AGAP1: variants seen among roughly 807,000 people sequenced by gnomAD.
The protein encoded by AGAP1 is arf-GAP with GTPase, ANK repeat and PH domain-containing protein 1.
A neutral mutation model predicts 105.3 loss-of-function variants in AGAP1; 29 were observed. The ratio of observed to expected loss-of-function variants is 0.28; its 90% CI spans 0.21 to 0.38. AGAP1 has a LOEUF of 0.38. AGAP1 is among the 10% of genes least tolerant of loss of function. The pLI is 1.00. For synonymous variants in AGAP1, 509 were observed against 485.9 expected (o/e 1.05, Z -0.63); for missense variants, 998 against 1,165.1 (o/e 0.86, Z 2.09).
At position 235,824,387 on chromosome 2, in the gene AGAP1, G is replaced by T. The variant is rs945399068; in HGVS notation, c.1050+17056G>T. Among the ~76,000 whole-genome samples the T allele has an allele frequency of 2.0e-5, 3 of 152,188 alleles. No individual in the cohort carries two copies. Among genetic ancestry groups the T allele is most frequent in the African/African-American group, 7.2e-5 (3 of 41,438 alleles). On this transcript the variant is annotated intron_variant, in intron 9 of 17. Coordinates refer to ENST00000304032, the MANE Select transcript of AGAP1 (RefSeq NM_001037131.3). This position sits in a 1 kb window ranked among gnomAD's most constrained non-coding sequence, Gnocchi z 5.2. ...TGTGGGTCTTGCAAATTGGTAACTG[G>T]TAGCTACCAGTGTAATTAAATATTT...
Position 235,586,543 on chromosome 2 carries a change from C to G in AGAP1, c.163+91694C>G, listed in dbSNP as rs1213518480. On this transcript the variant is annotated intron_variant, in intron 1 of 17. Coordinates refer to ENST00000304032, the MANE Select transcript of AGAP1 (RefSeq NM_001037131.3). The surrounding 1 kb of genome is among the most constrained non-coding windows in gnomAD (Gnocchi z 4.2). ...CTCCTTATGTCCATGCAGAGGCTGA[C>G]TCCAGAGGATGCTGTGCACAGGCCT... is the stretch of plus-strand genomic sequence containing the variant. 6.6e-6 allele frequency among the ~76,000 whole-genome samples: 1 copy of G among 152,206 alleles called. No individual in the cohort carries two copies. The highest frequency in any genetic ancestry group is 2.4e-5 in the African/African-American group (1 of 41,448).
rs1039686526 is a variant in AGAP1, at chr2:235,883,041, C to T, written c.1051-304C>T. Among the ~76,000 whole-genome samples, 2 of 152,050 alleles carry T rather than the reference C, an allele frequency of 1.3e-5. No homozygotes were observed. The highest frequency in any genetic ancestry group is 2.4e-5 in the African/African-American group (1 of 41,386). ...GTCAGCATCTTACCCAGGCTGGTCT[C>T]GAACTCTTGGGCTCAAACGATCCTT... On this transcript the variant is annotated intron_variant, in intron 9 of 17. Transcript: ENST00000304032. This position sits in a 1 kb window ranked among gnomAD's most constrained non-coding sequence, Gnocchi z 4.5.
chr2:236,075,728 C>T (rs2058618834), intron 16 of AGAP1, among the ~76,000 whole-genome samples: 2 of 152,196 alleles, frequency 1.3e-5, no homozygotes, highest in African/African-American at 2.4e-5. Context: ...GGCCTTTCTG[C>T]GTCCCTGACA....
At chr2:235,619,843 A>G (rs765092922) in intron 1 of AGAP1, among the ~76,000 whole-genome samples, 2 of 152,142 alleles carry the variant, frequency 1.3e-5, no homozygotes, top group South Asian at 2.1e-4. Flanking sequence ...CTGCATTGCA[A>G]CAAGGGCCCT....
Position 236,105,326 on chromosome 2 carries a change from A to G in AGAP1, c.2115-14866A>G, listed in dbSNP as rs74595388. 9.6e-3 allele frequency among the ~76,000 whole-genome samples: 1,463 copies of G among 152,150 alleles called. 19 individuals carry two copies. The highest frequency in any genetic ancestry group is 0.032 in the African/African-American group (1,326 of 41,520). ...CCAGGTAAGGGGGAAAGATGGGCGG[A>G]GCGGGGGACCAAGGACAGAGAGGAA... On this transcript the variant is annotated intron_variant, in intron 16 of 17. Transcript: ENST00000304032. The surrounding 1 kb of genome is among the most constrained non-coding windows in gnomAD (Gnocchi z 4.2).
rs1180053652 is a variant in AGAP1, at chr2:236,009,422, G to T, written c.1646-27139G>T. On this transcript the variant is annotated intron_variant, in intron 13 of 17. Transcript: ENST00000304032. The surrounding 1 kb of genome is among the most constrained non-coding windows in gnomAD (Gnocchi z 4.2). Reference sequence around the variant, plus strand: ...TCTTTGTGTAAAGGATCCTGGTGCCGCAGTCAGCCTGAAACACTCCAAGGA... The same window carrying T: ...TCTTTGTGTAAAGGATCCTGGTGCCTCAGTCAGCCTGAAACACTCCAAGGA... Among the ~76,000 whole-genome samples the T allele has an allele frequency of 6.6e-6, 1 of 152,144 alleles. No individual in the cohort carries two copies. The highest frequency in any genetic ancestry group is 1.5e-5 in the Non-Finnish European group (1 of 68,034).
At position 236,095,746 on chromosome 2, in the gene AGAP1, A is replaced by G. The variant is rs2059176585; in HGVS notation, c.2115-24446A>G. Among the ~76,000 whole-genome samples, 2 of 152,238 alleles carry G rather than the reference A, an allele frequency of 1.3e-5. No homozygotes were observed. Among genetic ancestry groups the G allele is most frequent in the African/African-American group, 4.8e-5 (2 of 41,476 alleles). On this transcript the variant is annotated intron_variant, in intron 16 of 17. Coordinates refer to ENST00000304032, the MANE Select transcript of AGAP1 (RefSeq NM_001037131.3). This position sits in a 1 kb window ranked among gnomAD's most constrained non-coding sequence, Gnocchi z 4.1. ...AAAAAACTTTTAAAAATTTTGACATATGAAGAAGTATATTAGTTCAGGGCT... is the reference window on the plus strand; with the variant it reads ...AAAAAACTTTTAAAAATTTTGACATGTGAAGAAGTATATTAGTTCAGGGCT...
At position 235,582,580 on chromosome 2, in the gene AGAP1, C is replaced by G. The variant is rs973448763; in HGVS notation, c.163+87731C>G. 6.6e-6 allele frequency among the ~76,000 whole-genome samples: 1 copy of G among 152,156 alleles called. No individual in the cohort carries two copies. Among genetic ancestry groups the G allele is most frequent in the African/African-American group, 2.4e-5 (1 of 41,424 alleles). ...AAGGGATGCCACATTTTGAGCTTCTCAGATATAAAAGAAGGATTCTTTGGG... is the reference window on the plus strand; with the variant it reads ...AAGGGATGCCACATTTTGAGCTTCTGAGATATAAAAGAAGGATTCTTTGGG... On this transcript the variant is annotated intron_variant, in intron 1 of 17. Coordinates refer to ENST00000304032, the MANE Select transcript of AGAP1 (RefSeq NM_001037131.3). This position sits in a 1 kb window ranked among gnomAD's most constrained non-coding sequence, Gnocchi z 4.7.
chr2:236,008,459 A>G lies in AGAP1; in HGVS notation c.1646-28102A>G, dbSNP rs116281133. ...GCAAAACAAAAAGTCTACATTAGAA[A>G]TTTATCATGAAGTTATACTCTACTT... On this transcript the variant is annotated intron_variant, in intron 13 of 17. Transcript: ENST00000304032. Among the ~76,000 whole-genome samples the G allele has an allele frequency of 8.2e-3, 1,254 of 152,330 alleles. 13 individuals carry two copies. The highest frequency in any genetic ancestry group is 0.029 in the African/African-American group (1,187 of 41,582).
At chr2:235,538,816 T>C (rs1038392941) in intron 1 of AGAP1, among the ~76,000 whole-genome samples, 3 of 152,156 alleles carry the variant, frequency 2.0e-5, no homozygotes, top group Non-Finnish European at 4.4e-5. Flanking sequence ...GGAATTCTAG[T>C]GTGGGAAAGC....
chr2:236,119,146 C>T lies in AGAP1; in HGVS notation c.2115-1046C>T, dbSNP rs2059841960. On this transcript the variant is annotated intron_variant, in intron 16 of 17. Transcript: ENST00000304032. The surrounding 1 kb of genome is among the most constrained non-coding windows in gnomAD (Gnocchi z 6.6). ...GCCAGGTCGGGCAGCCCCATCTCAG[C>T]CAGGTTGTGATGCTGGGGCCGGGGC... Among the ~76,000 whole-genome samples the T allele has an allele frequency of 6.6e-6, 1 of 152,114 alleles. No homozygotes were observed. Among genetic ancestry groups the T allele is most frequent in the African/African-American group, 2.4e-5 (1 of 41,426 alleles).
chr2:235,697,193 C>CGGA (rs1318666947), intron 1 of AGAP1, among the ~76,000 whole-genome samples: 2 of 152,072 alleles, frequency 1.3e-5, no homozygotes, highest in Non-Finnish European at 2.9e-5. Flanking sequence ...CTGGAAGAAC[C>CGGA]GGAGGCAGCC....
At chr2:235,679,380 G>C (rs1454436297) in intron 1 of AGAP1, among the ~76,000 whole-genome samples, 1 of 152,136 alleles carries the variant, frequency 6.6e-6, no homozygotes, top group East Asian at 1.9e-4. Flanking sequence ...CATTTGCCCA[G>C]GTGGATTTCT....
chr2:235,741,171 G>A lies in AGAP1; in HGVS notation c.396+123G>A, dbSNP rs1952559665. ...AAAAAGTGGAAACCCCATAAAAAAT[G>A]TTTCCTCTCACTGCATTTTTTTCTC... On this transcript the variant is annotated intron_variant, in intron 4 of 17. Coordinates refer to ENST00000304032, the MANE Select transcript of AGAP1 (RefSeq NM_001037131.3). The surrounding 1 kb of genome is among the most constrained non-coding windows in gnomAD (Gnocchi z 4.9). 2.7e-6 allele frequency: 2 copies of A among 727,592 alleles called. 1 individual carries two copies. Among genetic ancestry groups the A allele is most frequent in the African/African-American group, 3.6e-5 (2 of 56,090 alleles). 45.1% of individuals were successfully genotyped at this position (727,592 alleles called of 1,614,324 possible). A position where few individuals can be genotyped will look rare whatever the true frequency, so the allele number is the denominator to read the frequency against.
At chr2:235,816,813 C>T (rs1958483919) in intron 9 of AGAP1, among the ~76,000 whole-genome samples, 1 of 151,982 alleles carries the variant, frequency 6.6e-6, no homozygotes, top group Non-Finnish European at 1.5e-5. Flanking sequence ...ATCGCTTGAA[C>T]CCAGGAGACG....
In AGAP1 at chr2:236,055,138, A is replaced by G. The variant is rs1186132107; in HGVS notation, c.2114+5857A>G. ...ATTAAGTTCTCTGGGGCTTAATGGT[A>G]TGAATAAACTCCTCTGATTCTATCA... On this transcript the variant is annotated intron_variant, in intron 16 of 17. Transcript: ENST00000304032. This position sits in a 1 kb window ranked among gnomAD's most constrained non-coding sequence, Gnocchi z 6.2. 2.6e-5 allele frequency among the ~76,000 whole-genome samples: 4 copies of G among 152,180 alleles called. No homozygotes were observed. Among genetic ancestry groups the G allele is most frequent in the African/African-American group, 9.7e-5 (4 of 41,430 alleles).
At chr2:235,708,745 G>T (rs1484915152) in intron 1 of AGAP1, among the ~76,000 whole-genome samples, 2 of 152,138 alleles carry the variant, frequency 1.3e-5, no homozygotes, top group East Asian at 3.9e-4. Flanking sequence ...AATGACTATT[G>T]TAGTAGACAA....
At chr2:235,841,132 G>A (rs867663384) in intron 9 of AGAP1, among the ~76,000 whole-genome samples, 1 of 152,084 alleles carries the variant, frequency 6.6e-6, no homozygotes, top group African/African-American at 2.4e-5. Context: ...GGCTATGAAC[G>A]ATGAGCAGGA....
intron 1 of AGAP1, among the ~76,000 whole-genome samples, chr2:235,575,508 A>T (rs1267990723): frequency 6.6e-6 from 1 of 152,188 alleles, no homozygotes; most frequent in Non-Finnish European, 1.5e-5. Flanking sequence ...TCCTTTAAGG[A>T]CCAGTGTGAT....
Sources: gnomAD v4.1 joint callset for allele counts (sites outside exome capture counted in the v4.1 genomes callset) on GRCh38, gnomAD v4.1.1 for gene constraint, Gnocchi (gnomAD v3.1) non-coding constraint, MANE v1.5 for transcripts, NCBI Gene and HGNC (gene_info 2026-07-23, HGNC 2026-07-21) for gene names.